The following YBX1 variants were observed in gnomAD, a reference collection of about 807,000 sequenced individuals.
The protein encoded by YBX1 is Y-box-binding protein 1.
A neutral mutation model predicts 41.4 loss-of-function variants in YBX1; 3 were observed. The ratio of observed to expected loss-of-function variants is 0.07; its 90% CI spans 0.03 to 0.19. The LOEUF (loss-of-function observed/expected upper bound fraction) is 0.19, where lower values mean the gene tolerates loss of function less well. Among genes scored for constraint, YBX1 ranks in the 10% least tolerant of loss-of-function variants. YBX1 has a pLI of 1.00. For synonymous variants in YBX1, 133 were observed against 165.8 expected (o/e 0.80, Z 1.52); for missense variants, 274 against 462.8 (o/e 0.59, Z 3.74).
At chr1:42,694,888 G>A (rs1256693877) in intron 3 of YBX1, among the ~76,000 whole-genome samples, 1 of 152,164 alleles carries the variant, frequency 6.6e-6, no homozygotes, top group Non-Finnish European at 1.5e-5. Flanking sequence ...AAGTTTCTCG[G>A]TCTTGTTGCC....
At chr1:42,689,476 C>T (rs552588018) in intron 2 of YBX1, among the ~76,000 whole-genome samples, 3 of 152,122 alleles carry the variant, frequency 2.0e-5, no homozygotes, top group East Asian at 3.9e-4. Flanking sequence ...CATTTAGTTA[C>T]GGATAAATTT....
intron 2 of YBX1, among the ~76,000 whole-genome samples, chr1:42,684,637 ATAT>A (rs1341668455): frequency 6.6e-6 from 1 of 152,198 alleles, no homozygotes; most frequent in African/African-American, 2.4e-5. Flanking sequence ...TTGTGGGAAA[ATAT>A]TTTGTTTCTT....
At chr1:42,692,685 G>A (rs12032134) in intron 2 of YBX1, among the ~76,000 whole-genome samples, 3 of 152,124 alleles carry the variant, frequency 2.0e-5, no homozygotes, top group Non-Finnish European at 2.9e-5. Flanking sequence ...CTGACCTGAC[G>A]GAGTAAAGAG....
At chr1:42,699,419 CTG>C (rs942026792) in intron 6 of YBX1, among the ~76,000 whole-genome samples, 2 of 152,034 alleles carry the variant, frequency 1.3e-5, no homozygotes, top group Admixed American at 6.6e-5. Context: ...CAGCTTGACT[CTG>C]TGTTTCTAGC....
Position 42,693,534 on chromosome 1 carries a change from G to T in YBX1, c.264+11G>T. ...GTATTTGTACACCAGGTGAGTGCTT[G>T]TGTAGATATTTGCACTTCTGATTCA... On this transcript the variant is annotated intron_variant, in intron 3 of 7. Coordinates refer to ENST00000321358, the MANE Select transcript of YBX1 (RefSeq NM_004559.5). 5 of 1,613,424 alleles carry T rather than the reference G, an allele frequency of 3.1e-6. No individual in the cohort carries two copies. The highest frequency in any genetic ancestry group is 4.2e-6 in the Non-Finnish European group (5 of 1,179,554).
rs776606023 is a variant in YBX1 at position 42,701,043 on chromosome 1, C to T, written c.*28C>T. 6.2e-7 allele frequency: 1 copy of T among 1,611,156 alleles called. No individual in the cohort carries two copies. The highest frequency in any genetic ancestry group is 1.1e-5 in the South Asian group (1 of 91,006). On this transcript the variant is annotated 3_prime_UTR_variant, in exon 7 of 8. Coordinates refer to ENST00000321358, the MANE Select transcript of YBX1 (RefSeq NM_004559.5). Reference sequence around the variant, plus strand: ...GCCGGCTTACCATCTCTACCATCATCCGGGTAAGCAAGCTTGGATGGCCAT... The same window carrying T: ...GCCGGCTTACCATCTCTACCATCATTCGGGTAAGCAAGCTTGGATGGCCAT...
chr1:42,691,941 CCTAGCTT>C (rs1330111404), intron 2 of YBX1, among the ~76,000 whole-genome samples: 3 of 152,108 alleles, frequency 2.0e-5, no homozygotes, highest in African/African-American at 7.2e-5. Context: ...ACCTCCGCCT[CCTAGCTT>C]CAAGCAATTC....
intron 2 of YBX1, among the ~76,000 whole-genome samples, chr1:42,691,047 CTT>C (rs1180364118): frequency 1.3e-5 from 2 of 152,184 alleles, no homozygotes; most frequent in African/African-American, 2.4e-5. Flanking sequence ...TTGAGGGTCT[CTT>C]TTGTTATAAC....
chr1:42,697,787 G>C (rs1650498275), intron 6 of YBX1, among the ~76,000 whole-genome samples: 1 of 152,008 alleles, frequency 6.6e-6, no homozygotes, highest in South Asian at 2.1e-4. Context: ...CTATCTACTT[G>C]AGTGGGTATT....
At chr1:42,686,923 G>A (rs1017837513) in intron 2 of YBX1, among the ~76,000 whole-genome samples, 13 of 152,188 alleles carry the variant, frequency 8.5e-5, no homozygotes, top group Non-Finnish European at 2.9e-5. Flanking sequence ...TGCTGTCTCT[G>A]AAATAGACCC....
intron 6 of YBX1, among the ~76,000 whole-genome samples, chr1:42,699,481 T>C (rs1381071990): frequency 6.6e-6 from 1 of 152,146 alleles, no homozygotes; most frequent in Non-Finnish European, 1.5e-5. Context: ...TTATCCAGAT[T>C]TGGTTTATCC....
Position 42,696,409 on chromosome 1 carries a change from G to T in YBX1, c.354+121G>T. On this transcript the variant is annotated intron_variant, in intron 4 of 7. Coordinates refer to ENST00000321358, the MANE Select transcript of YBX1 (RefSeq NM_004559.5). The surrounding 1 kb of genome is among the most constrained non-coding windows in gnomAD (Gnocchi z 5.7). ...TTCAGGTGACCTCATGAACACAGGT[G>T]CATCAAGCCTAATGTTCTGGCTGCA... 1.9e-6 allele frequency: 2 copies of T among 1,060,752 alleles called. No homozygotes were observed. Among genetic ancestry groups the T allele is most frequent in the Non-Finnish European group, 2.7e-6 (2 of 728,028 alleles). The allele number at this position is 1,060,752 out of a possible 1,614,324, so 65.7% of individuals were successfully genotyped here.
In YBX1 at chr1:42,682,456, G is replaced by C; in HGVS notation, c.-110G>C. ...CGATCGGTAGCGGGAGCGGAGAGCG[G>C]ACCCCAGAGAGCCCTGAGCAGCCCC... On this transcript the variant is annotated 5_prime_UTR_variant, in exon 1 of 8. Coordinates refer to ENST00000321358, the MANE Select transcript of YBX1 (RefSeq NM_004559.5). 1 of 1,220,924 alleles carries C rather than the reference G, an allele frequency of 8.2e-7. No homozygotes were observed. 75.6% of individuals were successfully genotyped at this position (1,220,924 alleles called of 1,614,324 possible).
intron 2 of YBX1, among the ~76,000 whole-genome samples, chr1:42,686,793 G>A (rs748556241): frequency 1.1e-4 from 16 of 152,304 alleles, no homozygotes; most frequent in Non-Finnish European, 1.8e-4. Flanking sequence ...CCTTTGAGGC[G>A]TAGGTACTGT....
rs759445623 is a variant in YBX1, at chr1:42,697,239, G to C, written c.717G>C (p.Arg239=). The C allele has an allele frequency of 6.2e-7, 1 of 1,613,884 alleles. No individual in the cohort carries two copies. Among genetic ancestry groups the C allele is most frequent in the South Asian group, 1.1e-5 (1 of 91,024 alleles). Residue 239 remains arginine, a synonymous_variant, in exon 6 of 8, where the codon CGG becomes CGC. Coordinates refer to ENST00000321358, the MANE Select transcript of YBX1 (RefSeq NM_004559.5). Reference sequence around the variant, plus strand: ...GACCAGTGAGGCAGAATATGTATCGGGGATATAGACCACGATTCCGCAGGT... The same window carrying C: ...GACCAGTGAGGCAGAATATGTATCGCGGATATAGACCACGATTCCGCAGGT... The part of the protein sequence containing the change: ...QGRPVRQNMY[R]GYRPRFRRGP...
chr1:42,700,617 C>T (rs1292939391), intron 6 of YBX1, among the ~76,000 whole-genome samples, 164 bp from the exon 7 acceptor site: 2 of 131,914 alleles, frequency 1.5e-5, no homozygotes, highest in Admixed American at 7.4e-5. Context: ...CATCCCCCCC[C>T]CCCCAAAAAA....
intron 2 of YBX1, among the ~76,000 whole-genome samples, chr1:42,685,299 C>T (rs758312089): frequency 6.6e-6 from 1 of 152,158 alleles, no homozygotes; most frequent in African/African-American, 2.4e-5. Flanking sequence ...CTCAATTGGT[C>T]ATCCTCCAGG....
At position 42,690,122 on chromosome 1, in the gene YBX1, G is replaced by T. The variant is rs143707762; in HGVS notation, c.231-3368G>T. Among the ~76,000 whole-genome samples, 449 of 152,098 alleles carry T rather than the reference G, an allele frequency of 3.0e-3. 1 individual carries two copies. Among genetic ancestry groups the T allele is most frequent in the African/African-American group, 0.01 (428 of 41,514 alleles). ...AATCCCAGCTACTCATGGCTGAAGT[G>T]CAAGAACTTGAACCCCGAAGGCAGA... On this transcript the variant is annotated intron_variant, in intron 2 of 7. Coordinates refer to ENST00000321358, the MANE Select transcript of YBX1 (RefSeq NM_004559.5).
At chr1:42,690,781 G>C (rs916857527) in intron 2 of YBX1, among the ~76,000 whole-genome samples, 1 of 152,066 alleles carries the variant, frequency 6.6e-6, no homozygotes, top group Admixed American at 6.5e-5. Context: ...AATTCTAACA[G>C]GTAGCTTTTT....
Sources: allele counts gnomAD v4.1 joint callset (sites outside exome capture counted in the v4.1 genomes callset), GRCh38; gene constraint gnomAD v4.1.1; non-coding constraint Gnocchi (gnomAD v3.1); transcripts MANE v1.5; gene names NCBI Gene and HGNC (gene_info 2026-07-23, HGNC 2026-07-21).